Variants in AUTS2 observed in about 807,000 individuals in gnomAD.
The protein encoded by AUTS2 is autism susceptibility gene 2 protein.
Under a neutral mutation model 112.4 loss-of-function variants are expected in AUTS2, and 17 were observed. That is an observed-to-expected ratio of 0.15 (90% CI 0.10 to 0.23). The LOEUF (loss-of-function observed/expected upper bound fraction) is 0.23. Ranked by LOEUF, AUTS2 falls within the 10% of genes least tolerant of loss-of-function variation. The probability of loss-of-function intolerance (pLI) is 1.00; values close to 1 mark genes in which losing one functional copy is unlikely to be tolerated. For missense variants in AUTS2, 1,510 were observed against 1,701.6 expected (o/e 0.89, Z 1.98); for synonymous variants, 751 against 702.7 (o/e 1.07, Z -1.09).
chr7:70,242,214 C>T lies in AUTS2; in HGVS notation c.660+107643C>T, dbSNP rs151100737. Among the ~76,000 whole-genome samples, 262 of 152,286 alleles carry T rather than the reference C, an allele frequency of 1.7e-3. 1 individual carries two copies. The highest frequency in any genetic ancestry group is 6.0e-3 in the African/African-American group (249 of 41,576). On this transcript the variant is annotated intron_variant, in intron 4 of 18. Coordinates refer to ENST00000342771, the MANE Select transcript of AUTS2 (RefSeq NM_015570.4). ...CGTGCCTTCTCATCAACTTGTAAACCTCCATACTGTGTAGAGGAGATTGTG... is the reference window on the plus strand; with the variant it reads ...CGTGCCTTCTCATCAACTTGTAAACTTCCATACTGTGTAGAGGAGATTGTG...
intron 4 of AUTS2, among the ~76,000 whole-genome samples, chr7:70,153,188 A>C (rs1192274182): frequency 1.3e-5 from 2 of 152,210 alleles, no homozygotes; most frequent in African/African-American, 4.8e-5. Context: ...TTATCAACTT[A>C]ATGAATGAAA....
At chr7:70,319,382 G>A (rs1790144612) in intron 4 of AUTS2, among the ~76,000 whole-genome samples, 1 of 152,186 alleles carries the variant, frequency 6.6e-6, no homozygotes, top group South Asian at 2.1e-4. Context: ...GGAGACAGGT[G>A]AGGGTGCAGA....
chr7:69,690,787 G>A (rs1797305369), intron 1 of AUTS2, among the ~76,000 whole-genome samples: 1 of 152,336 alleles, frequency 6.6e-6, no homozygotes, highest in South Asian at 2.1e-4. Context: ...GCTATTGGGG[G>A]TTGTGTTACA....
At chr7:69,850,150 T>A (rs1446201538) in intron 1 of AUTS2, among the ~76,000 whole-genome samples, 1 of 151,280 alleles carries the variant, frequency 6.6e-6, no homozygotes, top group African/African-American at 2.4e-5. Context: ...CAAAAATAAA[T>A]TAGCCGGGCG....
At chr7:70,074,425 T>C (rs1802928667) in intron 2 of AUTS2, among the ~76,000 whole-genome samples, 1 of 152,222 alleles carries the variant, frequency 6.6e-6, no homozygotes. Context: ...TCATTAATTT[T>C]ATGGGGCTCT....
At chr7:70,642,161 C>T (rs1332097747) in intron 5 of AUTS2, among the ~76,000 whole-genome samples, 1 of 152,120 alleles carries the variant, frequency 6.6e-6, no homozygotes, top group Non-Finnish European at 1.5e-5. Flanking sequence ...AGGAGTTGAC[C>T]ATTTTTCTGA....
intron 1 of AUTS2, among the ~76,000 whole-genome samples, chr7:69,627,667 T>G (rs376315393): frequency 2.6e-5 from 4 of 151,652 alleles, no homozygotes; most frequent in East Asian, 1.9e-4. Context: ...GGATTAAGAG[T>G]AGGGGAGAGC....
At chr7:70,491,806 G>A (rs34822349) in intron 5 of AUTS2, among the ~76,000 whole-genome samples, 14,368 of 151,902 alleles carry the variant, frequency 0.095, 884 homozygotes, top group African/African-American at 0.17. Flanking sequence ...GTAGAGATGC[G>A]GTTTCGCCAT....
chr7:70,207,893 C>G (rs1421372117), intron 4 of AUTS2, among the ~76,000 whole-genome samples: 2 of 151,688 alleles, frequency 1.3e-5, no homozygotes, highest in African/African-American at 4.8e-5. Flanking sequence ...TGCCTGTAAT[C>G]CCAGATACTT....
chr7:70,397,026 C>T (rs1398337454), intron 4 of AUTS2, among the ~76,000 whole-genome samples: 1 of 151,918 alleles, frequency 6.6e-6, no homozygotes, highest in Non-Finnish European at 1.5e-5. Flanking sequence ...ACATCTTCAC[C>T]AACACTTTGT....
rs181998289 is a variant in AUTS2, at chr7:70,793,170, T to C, written c.*2174T>C. On this transcript the variant is annotated 3_prime_UTR_variant, in exon 19 of 19. Coordinates refer to ENST00000342771, the MANE Select transcript of AUTS2 (RefSeq NM_015570.4). ...TACTTCTGGATTTTGTAGACGTGTG[T>C]ACAGTGTGGGCCACGTTAGCCAGTT... 2 of 152,172 alleles carry C rather than the reference T, an allele frequency of 1.3e-5. No homozygotes were observed. The highest frequency in any genetic ancestry group is 1.3e-4 in the Admixed American group (2 of 15,278). 9.4% of individuals were successfully genotyped at this position (152,172 alleles called of 1,614,324 possible).
chr7:69,919,888 G>A (rs922352051), intron 2 of AUTS2, among the ~76,000 whole-genome samples: 1 of 152,180 alleles, frequency 6.6e-6, no homozygotes, highest in African/African-American at 2.4e-5. Context: ...AAGAGTTTCT[G>A]CTTTGTGGTA....
At chr7:70,519,275 T>A (rs1226597240) in intron 5 of AUTS2, among the ~76,000 whole-genome samples, 1 of 152,114 alleles carries the variant, frequency 6.6e-6, no homozygotes, top group Non-Finnish European at 1.5e-5. Context: ...AAGTTTCAGG[T>A]TTGTTGGGCC....
chr7:69,749,050 C>T (rs1184249904), intron 1 of AUTS2, among the ~76,000 whole-genome samples: 1 of 152,090 alleles, frequency 6.6e-6, no homozygotes, highest in Non-Finnish European at 1.5e-5. Flanking sequence ...TGCGCCCCAG[C>T]TTCTCTGTCT....
At chr7:70,524,308 C>G (rs1488209703) in intron 5 of AUTS2, among the ~76,000 whole-genome samples, 1 of 152,198 alleles carries the variant, frequency 6.6e-6, no homozygotes, top group Non-Finnish European at 1.5e-5. Context: ...CTCCCACTTA[C>G]AATGGTCATT....
chr7:70,751,377 C>G (rs1259539339), intron 6 of AUTS2, among the ~76,000 whole-genome samples: 2 of 152,188 alleles, frequency 1.3e-5, no homozygotes, highest in Non-Finnish European at 2.9e-5. Flanking sequence ...TTATTTTATT[C>G]AACTTAATGT....
At chr7:69,862,194 C>T (rs568884913) in intron 1 of AUTS2, among the ~76,000 whole-genome samples, 2 of 152,244 alleles carry the variant, frequency 1.3e-5, no homozygotes, top group East Asian at 1.9e-4. Flanking sequence ...ACTATATCAC[C>T]TCTAATAGTT....
chr7:70,001,816 TTCTCCTGCC>T (rs2129552806), intron 2 of AUTS2, among the ~76,000 whole-genome samples: 2 of 151,916 alleles, frequency 1.3e-5, no homozygotes, highest in East Asian at 3.9e-4. Context: ...GCTGAAGTGA[TTCTCCTGCC>T]TCAGCCTCCT....
In AUTS2 at chr7:70,435,793, C is replaced by G; in HGVS notation, c.690+12C>G. 6.2e-7 allele frequency: 1 copy of G among 1,613,666 alleles called. No individual in the cohort carries two copies. The highest frequency in any genetic ancestry group is 8.5e-7 in the Non-Finnish European group (1 of 1,179,606). On this transcript the variant is annotated intron_variant, in intron 5 of 18. Coordinates refer to ENST00000342771, the MANE Select transcript of AUTS2 (RefSeq NM_015570.4). ...ACCAGGAAGAGAAGGTAAGACCCCC[C>G]CTCCCCCATTGTGGGCACAGCACAT... is the stretch of plus-strand genomic sequence containing the variant.
Sources: allele counts gnomAD v4.1 joint callset (sites outside exome capture counted in the v4.1 genomes callset), GRCh38; gene constraint gnomAD v4.1.1; transcripts MANE v1.5; gene names NCBI Gene and HGNC (gene_info 2026-07-23, HGNC 2026-07-21).